NECTIN3: variants seen among roughly 807,000 people sequenced by gnomAD.
NECTIN3 encodes nectin-3.
In NECTIN3, 8 loss-of-function variants were observed where a neutral mutation model predicts 49.4. That is an observed-to-expected ratio of 0.16 (90% confidence interval 0.10 to 0.29). The LOEUF (loss-of-function observed/expected upper bound fraction) is 0.29. Ranked by LOEUF, NECTIN3 falls within the 10% of genes least tolerant of loss-of-function variation. The probability of loss-of-function intolerance (pLI) is 1.00; values close to 1 mark genes in which losing one functional copy is unlikely to be tolerated. For missense variants in NECTIN3, 581 were observed against 654.6 expected (o/e 0.89, Z 1.23); for synonymous variants, 277 against 241.1 (o/e 1.15, Z -1.38).
At chr3:111,140,157 G>A (rs2034706626), downstream of NECTIN3, among the ~76,000 whole-genome samples, 6 of 151,740 alleles carry the variant, frequency 4.0e-5, no homozygotes, top group Admixed American at 3.9e-4. Context: ...TAGATTGTTT[G>A]GATGTTAACA....
At chr3:111,187,626 G>A (rs760442549), upstream of NECTIN3, among the ~76,000 whole-genome samples, 1 of 152,024 alleles carries the variant, frequency 6.6e-6, no homozygotes, top group African/African-American at 2.4e-5. Context: ...TGCTAAAAAG[G>A]AATAAACCAT....
intron 2 of NECTIN3, among the ~76,000 whole-genome samples, chr3:111,113,421 C>G (rs920929530): frequency 6.6e-6 from 1 of 152,070 alleles, no homozygotes; most frequent in Non-Finnish European, 1.5e-5. Flanking sequence ...TCCTGGAGAA[C>G]CAAACAAGTT....
At chr3:111,155,790 C>T (rs2035084704) in intron 7 of NECTIN3, among the ~76,000 whole-genome samples, 1 of 151,968 alleles carries the variant, frequency 6.6e-6, no homozygotes, top group Admixed American at 6.6e-5. Context: ...TTAAGGCTGC[C>T]CTAAATGGAG....
chr3:111,092,814 C>A (rs1454765961), intron 1 of NECTIN3, among the ~76,000 whole-genome samples: 5 of 152,056 alleles, frequency 3.3e-5, no homozygotes, highest in African/African-American at 1.2e-4. Context: ...ATATAAATTT[C>A]AGATTTAATT....
downstream of NECTIN3, among the ~76,000 whole-genome samples, chr3:111,140,147 T>C (rs1243670041): frequency 1.3e-5 from 2 of 151,910 alleles, no homozygotes; most frequent in Non-Finnish European, 2.9e-5. Context: ...ATGGAAGAAG[T>C]AGATTGTTTG....
At chr3:111,188,472 T>C (rs1390037127), upstream of NECTIN3, among the ~76,000 whole-genome samples, 3 of 152,260 alleles carry the variant, frequency 2.0e-5, no homozygotes, top group African/African-American at 7.2e-5. Flanking sequence ...AGATTGTTTG[T>C]AGTGTCCAGG....
At chr3:111,185,332 G>A (rs1046032867) in intron 7 of NECTIN3, among the ~76,000 whole-genome samples, 10 of 152,180 alleles carry the variant, frequency 6.6e-5, no homozygotes, top group African/African-American at 1.9e-4. Context: ...GTGCGAGTGT[G>A]TGTGGATGGA....
Position 111,134,112 on chromosome 3 carries a change from T to A in NECTIN3, c.1547T>A (p.Met516Lys), listed in dbSNP as rs199505993. 2.3e-5 allele frequency: 37 copies of A among 1,613,572 alleles called. 1 individual carries two copies. The East Asian group carries it at 8.3e-4, about 36-fold the overall frequency. ...ATGGATTATTATGAAGATCTAAAAA[T>A]GGGAATGAAGTTTGTCAGTGATGAA... ...RPMDYYEDLK[M>K]GMKFVSDEHY... is the part of the protein sequence containing the mutation. The change falls in exon 6 of 6, where the codon ATG becomes AAG. Residue 516 changes from methionine (M) to lysine (K), a missense_variant. Met to Lys is a moderately conservative substitution (Grantham distance 95, BLOSUM62 -1). This residue lies in a region of NECTIN3 where 238 missense variants were observed against 244.9 expected (regional missense o/e 0.97). Coordinates refer to ENST00000485303, the MANE Select transcript of NECTIN3 (RefSeq NM_015480.3).
rs1010441615 is a variant in NECTIN3, at chr3:111,135,905, A to T, written c.*1690A>T. On this transcript the variant is annotated 3_prime_UTR_variant, in exon 6 of 6. Transcript: ENST00000485303. ...GTAATACTTATTATAAGGCTGTAGT[A>T]TCAGGTTAAGGATACAGATAAATAA... 1 of 823,350 alleles carries T rather than the reference A, an allele frequency of 1.2e-6. No homozygotes were observed. Among genetic ancestry groups the T allele is most frequent in the African/African-American group, 6.5e-5 (1 of 15,408 alleles). 51.0% of individuals were successfully genotyped at this position (823,350 alleles called of 1,614,324 possible).
At chr3:111,092,642 A>G (rs1479396827) in intron 1 of NECTIN3, among the ~76,000 whole-genome samples, 1 of 149,648 alleles carries the variant, frequency 6.7e-6, no homozygotes, top group Non-Finnish European at 1.5e-5. Flanking sequence ...TGTTCTGTTG[A>G]TTCATATGTC....
At chr3:111,074,551 A>G (rs1160757601) in intron 1 of NECTIN3, among the ~76,000 whole-genome samples, 1 of 152,254 alleles carries the variant, frequency 6.6e-6, no homozygotes, top group African/African-American at 2.4e-5. Context: ...ACTGTTAAAA[A>G]TATCCATCAA....
intron 1 of NECTIN3, among the ~76,000 whole-genome samples, chr3:111,107,905 G>A (rs886364186): frequency 5.3e-5 from 8 of 152,084 alleles, no homozygotes; most frequent in South Asian, 2.1e-4. Context: ...TGCAACAACA[G>A]AACTCTGGCT....
chr3:111,160,803 C>T (rs1476605360), intron 7 of NECTIN3, among the ~76,000 whole-genome samples: 1 of 152,060 alleles, frequency 6.6e-6, no homozygotes, highest in Non-Finnish European at 1.5e-5. Flanking sequence ...GTCGGGAGAT[C>T]GAGACCATCG....
At chr3:111,150,496 TTC>T (rs894682357) in intron 7 of NECTIN3, among the ~76,000 whole-genome samples, 1 of 151,954 alleles carries the variant, frequency 6.6e-6, no homozygotes, top group African/African-American at 2.4e-5. Flanking sequence ...TGTGTAATTT[TTC>T]TATGTGATGA....
intron 4 of NECTIN3, among the ~76,000 whole-genome samples, chr3:111,123,809 T>C (rs1292190957): frequency 6.6e-6 from 1 of 152,176 alleles, no homozygotes; most frequent in Non-Finnish European, 1.5e-5. Flanking sequence ...TTTGGCACTA[T>C]TGATATTTTA....
At chr3:111,123,853 G>C (rs1447543872) in intron 4 of NECTIN3, among the ~76,000 whole-genome samples, 2 of 152,152 alleles carry the variant, frequency 1.3e-5, no homozygotes, top group Non-Finnish European at 2.9e-5. Flanking sequence ...GTGCAGTCCT[G>C]TGAATTGTAA....
chr3:111,085,700 A>ATTT (rs139730502), intron 1 of NECTIN3, among the ~76,000 whole-genome samples: 19 of 142,600 alleles, frequency 1.3e-4, no homozygotes, highest in African/African-American at 3.6e-4. Context: ...ATGTAGCAGT[A>ATTT]TTTTTTTTTT....
At chr3:111,181,993 A>C (rs542633280) in intron 7 of NECTIN3, among the ~76,000 whole-genome samples, 1 of 151,946 alleles carries the variant, frequency 6.6e-6, no homozygotes, top group Non-Finnish European at 1.5e-5. Context: ...TAAAAATACA[A>C]AGTTTCCTTT....
rs189420190 is a variant in NECTIN3 at position 111,096,012 on chromosome 3, A to T, written c.161-16018A>T. 1.5e-4 allele frequency among the ~76,000 whole-genome samples: 23 copies of T among 152,350 alleles called. 1 individual carries two copies. In the East Asian group the frequency reaches 4.0e-3, roughly 27 times the overall value. On this transcript the variant is annotated intron_variant, in intron 1 of 5. Transcript: ENST00000485303. ...TGTGGAAGTGACTTTGGAACTGGGT[A>T]ACAGGCAGAGGTTGGAACAGTTTGG...
Sources: gnomAD v4.1 joint callset for allele counts (sites outside exome capture counted in the v4.1 genomes callset) on GRCh38, gnomAD v4.1.1 for gene constraint, gnomAD v4.1.1 regional missense constraint, MANE v1.5 for transcripts, NCBI Gene and HGNC (gene_info 2026-07-23, HGNC 2026-07-21) for gene names.